STXBP6: variants seen among roughly 807,000 people sequenced by gnomAD.
The protein encoded by STXBP6 is syntaxin-binding protein 6.
Under a neutral mutation model 26.9 loss-of-function variants are expected in STXBP6, and 21 were observed. The observed-to-expected ratio is 0.78, with a 90% CI of 0.55 to 1.12. The LOEUF is 1.12. STXBP6 is among the 50% of genes most tolerant of loss of function. The pLI, the probability that STXBP6 is intolerant of heterozygous loss-of-function variation, is 0.00. For missense variants in STXBP6, 232 were observed against 257.9 expected, an observed-to-expected ratio of 0.90 and a Z score of 0.69; for synonymous variants, 97 against 92.6, an observed-to-expected ratio of 1.05 and a Z score of -0.27.
intron 2 of STXBP6, among the ~76,000 whole-genome samples, chr14:24,872,743 T>A (rs375278484): frequency 6.6e-6 from 1 of 152,148 alleles, no homozygotes; most frequent in Non-Finnish European, 1.5e-5. Context: ...TCCTTATAGT[T>A]AGAACTCTGT....
At chr14:24,972,749 T>C (rs901988212) in intron 2 of STXBP6, among the ~76,000 whole-genome samples, 3 of 152,208 alleles carry the variant, frequency 2.0e-5, no homozygotes, top group African/African-American at 7.2e-5. Flanking sequence ...CTCATGCCTG[T>C]AATCCCAGCA....
At chr14:24,994,394 T>C (rs2140300330) in intron 1 of STXBP6, among the ~76,000 whole-genome samples, 1 of 152,308 alleles carries the variant, frequency 6.6e-6, no homozygotes, top group Non-Finnish European at 1.5e-5. Context: ...CTAACTTTTG[T>C]TCTTGACACT....
intron 1 of STXBP6, among the ~76,000 whole-genome samples, chr14:24,993,304 A>G (rs980086074): frequency 6.6e-6 from 1 of 152,114 alleles, no homozygotes; most frequent in African/African-American, 2.4e-5. Flanking sequence ...CAGCACCACT[A>G]TGCACCTAAA....
intron 2 of STXBP6, among the ~76,000 whole-genome samples, chr14:24,899,780 C>CAAAA (rs58367371): frequency 6.4e-5 from 3 of 46,848 alleles, no homozygotes; most frequent in African/African-American, 1.5e-4. Flanking sequence ...GACTACATTT[C>CAAAA]AAAAAAAAAA....
intron 2 of STXBP6, among the ~76,000 whole-genome samples, chr14:24,894,298 G>A (rs1318412529): frequency 1.3e-5 from 2 of 152,164 alleles, no homozygotes; most frequent in Non-Finnish European, 2.9e-5. Flanking sequence ...GAATGTAAAA[G>A]GTGAAAGAAT....
chr14:24,930,934 A>AC (rs1243158447), intron 2 of STXBP6, among the ~76,000 whole-genome samples: 1 of 145,642 alleles, frequency 6.9e-6, no homozygotes, highest in African/African-American at 2.6e-5. Context: ...ACAAGGTGAA[A>AC]CCCCATCTCT....
chr14:24,931,682 A>C (rs2181629), intron 2 of STXBP6, among the ~76,000 whole-genome samples: 78,197 of 151,380 alleles, frequency 0.52, 20,434 homozygotes, highest in South Asian at 0.59. Context: ...AAGAATGAGA[A>C]GGGTAAGTCC....
At chr14:24,982,280 G>A (rs2074215696) in intron 1 of STXBP6, among the ~76,000 whole-genome samples, 1 of 152,162 alleles carries the variant, frequency 6.6e-6, no homozygotes, top group Non-Finnish European at 1.5e-5. Flanking sequence ...AAGTAAATTA[G>A]CAAACTCCCA....
rs138630894 is a variant in STXBP6 at position 24,933,437 on chromosome 14, T to C, written c.154+41228A>G. 4.2e-3 allele frequency among the ~76,000 whole-genome samples: 643 copies of C among 152,190 alleles called. 2 individuals are homozygous for C. Among genetic ancestry groups the C allele is most frequent in the South Asian group, 0.014 (67 of 4,804 alleles). On this transcript the variant is annotated intron_variant, in intron 2 of 5. Coordinates refer to ENST00000323944, the MANE Select transcript of STXBP6 (RefSeq NM_001394410.1). ...AGAAGATTTAGGAACTGAAACAGTA[T>C]CCAGAGGTCGAAAGGGGTAGGAGAC...
At chr14:24,965,351 T>TTTTTTTTTTTTTTTTTTTTTTGATTC (rs1334605025) in intron 2 of STXBP6, among the ~76,000 whole-genome samples, 2 of 152,044 alleles carry the variant, frequency 1.3e-5, no homozygotes, top group Admixed American at 6.6e-5. Flanking sequence ...TGCTGTTGTC[T>TTTTTTTTTTTTTTTTTTTTTTGATTC]TATAAATGTC....
chr14:24,999,173 A>C (rs1410439913), intron 1 of STXBP6, among the ~76,000 whole-genome samples: 1 of 152,212 alleles, frequency 6.6e-6, no homozygotes, highest in Non-Finnish European at 1.5e-5. Flanking sequence ...AACCATCATA[A>C]GTCAGGGATT....
At chr14:25,007,365 T>C (rs2074926685) in intron 1 of STXBP6, among the ~76,000 whole-genome samples, 1 of 152,212 alleles carries the variant, frequency 6.6e-6, no homozygotes, top group Admixed American at 6.5e-5. Flanking sequence ...TGACGGTGAC[T>C]GTGATAATGG....
At chr14:24,874,429 C>A (rs1274571214) in intron 2 of STXBP6, among the ~76,000 whole-genome samples, 1 of 152,040 alleles carries the variant, frequency 6.6e-6, no homozygotes, top group Non-Finnish European at 1.5e-5. Context: ...AAGCCCCTTG[C>A]CCTAGTTCCA....
chr14:25,037,231 G>A (rs565241327), intron 1 of STXBP6, among the ~76,000 whole-genome samples: 1 of 152,278 alleles, frequency 6.6e-6, no homozygotes, highest in African/African-American at 2.4e-5. Flanking sequence ...ATTTGACAGA[G>A]GCCCGGAGAG....
chr14:24,829,707 A>G (rs918376110), intron 4 of STXBP6, among the ~76,000 whole-genome samples: 3 of 141,806 alleles, frequency 2.1e-5, no homozygotes, highest in Non-Finnish European at 3.1e-5. Context: ...TTGGTTACCT[A>G]TTATTTGCAA....
At chr14:24,821,264 T>C (rs2068124275) in intron 4 of STXBP6, among the ~76,000 whole-genome samples, 1 of 152,232 alleles carries the variant, frequency 6.6e-6, no homozygotes, top group African/African-American at 2.4e-5. Flanking sequence ...GATTTTAGAA[T>C]TAGCTGCTAT....
intron 2 of STXBP6, among the ~76,000 whole-genome samples, chr14:24,905,944 A>G (rs1319551442): frequency 2.0e-5 from 3 of 152,216 alleles, no homozygotes; most frequent in South Asian, 2.1e-4. Flanking sequence ...ATCCATTGTA[A>G]TAAGTAGTAG....
chr14:25,023,028 T>C (rs1409534959), intron 1 of STXBP6, among the ~76,000 whole-genome samples: 3 of 152,214 alleles, frequency 2.0e-5, no homozygotes, highest in Non-Finnish European at 4.4e-5. Flanking sequence ...ACCTGAATGT[T>C]GGTACTACAA....
rs367728409 is a variant in STXBP6, at chr14:24,992,168, T to C, written c.-32-17318A>G. Among the ~76,000 whole-genome samples the C allele has an allele frequency of 1.1e-4, 16 of 152,336 alleles. No individual in the cohort carries two copies. The East Asian group carries it at 3.1e-3, about 29-fold the overall frequency. ...CATATTATGGAGCTGAAAAAGCATG[T>C]CTTCAATGCATAGATCCATCTTCCC... On this transcript the variant is annotated intron_variant, in intron 1 of 5. Coordinates refer to ENST00000323944, the MANE Select transcript of STXBP6 (RefSeq NM_001394410.1).
Sources: allele counts gnomAD v4.1 joint callset (sites outside exome capture counted in the v4.1 genomes callset), GRCh38; gene constraint gnomAD v4.1.1; transcripts MANE v1.5; gene names NCBI Gene and HGNC (gene_info 2026-07-23, HGNC 2026-07-21).